WWOX: variants seen among roughly 807,000 people sequenced by gnomAD.
WWOX encodes the protein WW domain containing oxidoreductase.
In WWOX, 69 loss-of-function variants were observed where a neutral mutation model predicts 46.2. The observed-to-expected ratio is 1.49, with a 90% confidence interval of 1.23 to 1.82. WWOX has a LOEUF of 1.82. Among genes scored for constraint, WWOX ranks in the 40% most tolerant of loss-of-function variants. The pLI is 0.00. For synonymous variants in WWOX, 359 were observed against 202.6 expected (o/e 1.77, Z -6.56); for missense variants, 919 against 542.6 (o/e 1.69, Z -6.89).
intron 8 of WWOX, among the ~76,000 whole-genome samples, chr16:78,459,490 C>G (rs2738646): frequency 0.24 from 36,214 of 152,078 alleles, 4,724 homozygotes; most frequent in African/African-American, 0.34. Flanking sequence ...CATGCGGTAT[C>G]TGCCATTTTG....
intron 8 of WWOX, among the ~76,000 whole-genome samples, chr16:79,072,785 A>G (rs1032000593): frequency 6.6e-6 from 1 of 152,138 alleles, no homozygotes; most frequent in African/African-American, 2.4e-5. Context: ...CATACAACAT[A>G]ATCCTAGTAT....
At chr16:78,676,700 A>G (rs1025519258) in intron 8 of WWOX, among the ~76,000 whole-genome samples, 1 of 152,180 alleles carries the variant, frequency 6.6e-6, no homozygotes, top group Non-Finnish European at 1.5e-5. Context: ...GCTGCAGGGA[A>G]TAAATCAGTT....
At chr16:78,575,325 A>T (rs2044850681) in intron 8 of WWOX, among the ~76,000 whole-genome samples, 1 of 150,196 alleles carries the variant, frequency 6.7e-6, no homozygotes. Flanking sequence ...TACTGTTCCT[A>T]GTTAGTATTT....
chr16:78,326,887 C>G (rs565664338), intron 5 of WWOX, among the ~76,000 whole-genome samples: 3 of 152,048 alleles, frequency 2.0e-5, no homozygotes, highest in Non-Finnish European at 2.9e-5. Context: ...CTATATGAAT[C>G]TTGAATACTG....
At chr16:78,800,288 C>G (rs893697702) in intron 8 of WWOX, among the ~76,000 whole-genome samples, 5 of 151,620 alleles carry the variant, frequency 3.3e-5, no homozygotes, top group African/African-American at 7.3e-5. Flanking sequence ...GTATTTCAGA[C>G]AAATGCCAGG....
At chr16:78,579,402 TCAC>T (rs1322731038) in intron 8 of WWOX, among the ~76,000 whole-genome samples, 1 of 152,066 alleles carries the variant, frequency 6.6e-6, no homozygotes, top group Non-Finnish European at 1.5e-5. Context: ...TAAACTGAGT[TCAC>T]CAGGCAAACT....
chr16:78,148,202 C>G (rs1017189239), intron 4 of WWOX, among the ~76,000 whole-genome samples: 1 of 152,174 alleles, frequency 6.6e-6, no homozygotes, highest in Non-Finnish European at 1.5e-5. Flanking sequence ...CAGGATAAAT[C>G]TTTCTACTTC....
intron 8 of WWOX, among the ~76,000 whole-genome samples, chr16:79,096,694 T>C (rs542775715): frequency 6.6e-6 from 1 of 152,342 alleles, no homozygotes; most frequent in South Asian, 2.1e-4. Flanking sequence ...CCCATTTTGC[T>C]TTCTCCCCGC....
chr16:78,828,272 G>T (rs1471393003), intron 8 of WWOX, among the ~76,000 whole-genome samples: 3 of 152,198 alleles, frequency 2.0e-5, no homozygotes, highest in Non-Finnish European at 4.4e-5. Flanking sequence ...AGCCTCCAGA[G>T]AGAAGAGCCT....
chr16:79,169,992 A>G (rs1438202254), intron 8 of WWOX, among the ~76,000 whole-genome samples: 1 of 152,150 alleles, frequency 6.6e-6, no homozygotes, highest in Non-Finnish European at 1.5e-5. Flanking sequence ...CCTGCAGGGC[A>G]TTGCAATCTT....
intron 8 of WWOX, among the ~76,000 whole-genome samples, chr16:78,708,391 G>A (rs142064181): frequency 1.0e-3 from 156 of 152,246 alleles, no homozygotes; most frequent in African/African-American, 3.6e-3. Flanking sequence ...TTTGCTAGAC[G>A]TAGCACCTAC....
At chr16:78,170,189 T>A (rs1023880668) in intron 5 of WWOX, among the ~76,000 whole-genome samples, 2 of 152,174 alleles carry the variant, frequency 1.3e-5, no homozygotes, top group African/African-American at 2.4e-5. Context: ...CGTCCCCAGT[T>A]CATAACCACG....
intron 8 of WWOX, among the ~76,000 whole-genome samples, chr16:78,598,992 T>A (rs867258487): frequency 7.9e-5 from 12 of 152,148 alleles, no homozygotes; most frequent in African/African-American, 2.9e-4. Flanking sequence ...AGTGGCAGGG[T>A]CGGCATTGAG....
intron 8 of WWOX, among the ~76,000 whole-genome samples, chr16:78,706,512 C>A (rs1170083444): frequency 6.6e-6 from 1 of 152,122 alleles, no homozygotes; most frequent in Non-Finnish European, 1.5e-5. Flanking sequence ...TTTTCATTTC[C>A]CTTTATATTC....
At chr16:78,522,038 A>G (rs2043358908) in intron 8 of WWOX, among the ~76,000 whole-genome samples, 1 of 151,774 alleles carries the variant, frequency 6.6e-6, no homozygotes, top group African/African-American at 2.4e-5. Flanking sequence ...ATCACTTTGT[A>G]GTAAGTGGGA....
intron 8 of WWOX, among the ~76,000 whole-genome samples, chr16:78,639,464 G>C (rs138492989): frequency 1.3e-5 from 2 of 152,210 alleles, no homozygotes; most frequent in African/African-American, 2.4e-5. Context: ...AGATCCTGTA[G>C]TGGGTTCATT....
At chr16:79,076,940 A>G (rs1045764487) in intron 8 of WWOX, among the ~76,000 whole-genome samples, 5 of 152,166 alleles carry the variant, frequency 3.3e-5, no homozygotes, top group African/African-American at 1.2e-4. Context: ...GAAAGGTGGT[A>G]TTATTATTCT....
intron 8 of WWOX, among the ~76,000 whole-genome samples, chr16:79,047,085 C>G (rs960147452): frequency 5.3e-5 from 8 of 152,200 alleles, no homozygotes; most frequent in Admixed American, 3.9e-4. Context: ...CTTCTCCTTT[C>G]AACCAGCATG....
chr16:78,389,073 G>A (rs2082122563), intron 6 of WWOX, among the ~76,000 whole-genome samples: 1 of 152,046 alleles, frequency 6.6e-6, no homozygotes, highest in Non-Finnish European at 1.5e-5. Context: ...TTGCAACATC[G>A]CCTAAGCGCA....
Sources: gnomAD v4.1 joint callset for allele counts (sites outside exome capture counted in the v4.1 genomes callset) on GRCh38, gnomAD v4.1.1 for gene constraint, MANE v1.5 for transcripts, NCBI Gene and HGNC (gene_info 2026-07-23, HGNC 2026-07-21) for gene names.